P3H2: variants seen among roughly 807,000 people sequenced by gnomAD.
P3H2 encodes the protein leprecan-like 1.
P3H2 carries 80 observed loss-of-function variants against 87.0 expected under a neutral mutation model. The observed-to-expected ratio is 0.92, with a 90% confidence interval of 0.77 to 1.11. The LOEUF (loss-of-function observed/expected upper bound fraction) is 1.11. Among genes scored for constraint, P3H2 ranks in the 50% least tolerant of loss-of-function variants. P3H2 has a pLI of 0.00. For missense variants in P3H2, 1,001 were observed against 923.9 expected, an observed-to-expected ratio of 1.08 and a Z score of -1.08; for synonymous variants, 367 against 359.3, an observed-to-expected ratio of 1.02 and a Z score of -0.24.
At chr3:189,979,650 C>T (rs187502429) in intron 8 of P3H2, among the ~76,000 whole-genome samples, 2 of 152,086 alleles carry the variant, frequency 1.3e-5, no homozygotes, top group East Asian at 3.9e-4. Flanking sequence ...GGAATCATAT[C>T]CAGCACAACC....
chr3:190,035,754 G>A (rs993413981), intron 1 of P3H2, among the ~76,000 whole-genome samples: 1 of 152,132 alleles, frequency 6.6e-6, no homozygotes, highest in African/African-American at 2.4e-5. Flanking sequence ...AAAGGCAAAA[G>A]GCTAAATACC....
At chr3:190,110,243 T>C (rs1712019175) in intron 1 of P3H2, among the ~76,000 whole-genome samples, 1 of 151,708 alleles carries the variant, frequency 6.6e-6, no homozygotes, top group Non-Finnish European at 1.5e-5. Context: ...TATGGAGACA[T>C]TTTTTGTTAT....
chr3:190,018,149 C>T (rs562604660), intron 1 of P3H2, among the ~76,000 whole-genome samples: 1 of 152,150 alleles, frequency 6.6e-6, no homozygotes, highest in Non-Finnish European at 1.5e-5. Flanking sequence ...GCAAAGATTG[C>T]TTCTATTTTA....
At chr3:190,062,221 C>G (rs1577303356) in intron 1 of P3H2, among the ~76,000 whole-genome samples, 1 of 152,208 alleles carries the variant, frequency 6.6e-6, no homozygotes, top group Non-Finnish European at 1.5e-5. Flanking sequence ...TGCTCTCAAA[C>G]CCTTCCTTAT....
chr3:190,118,058 C>T (rs574329332), intron 1 of P3H2, among the ~76,000 whole-genome samples: 1 of 152,194 alleles, frequency 6.6e-6, no homozygotes, highest in East Asian at 1.9e-4. Flanking sequence ...GTGACTTGTT[C>T]CTGTAATCAA....
chr3:189,959,227 CT>C (rs754846945), intron 14 of P3H2, among the ~76,000 whole-genome samples: 57,122 of 147,822 alleles, frequency 0.39, 12,089 homozygotes, highest in African/African-American at 0.58. Context: ...ACACCTGTCT[CT>C]TCTTTTTTTT....
chr3:190,090,477 G>A (rs2108985327), intron 1 of P3H2, among the ~76,000 whole-genome samples: 1 of 152,332 alleles, frequency 6.6e-6, no homozygotes, highest in African/African-American at 2.4e-5. Context: ...GCTGAGGCGG[G>A]TGGATCACGA....
rs1712493835 is a variant in P3H2 at position 190,120,297 on chromosome 3, G to C, written c.435C>G (p.Phe145Leu). 6.2e-7 allele frequency: 1 copy of C among 1,609,938 alleles called. No individual in the cohort carries two copies. Among genetic ancestry groups the C allele is most frequent in the Non-Finnish European group, 8.5e-7 (1 of 1,179,060 alleles). Reference sequence around the variant, plus strand: ...GGTAGTTGTAGGGCACTCTGCGCTGGAAGTCGCTGCGCACATCCTCGCTGA... The same window carrying C: ...GGTAGTTGTAGGGCACTCTGCGCTGCAAGTCGCTGCGCACATCCTCGCTGA... Reference protein sequence around the residue: ...HRVSEDVRSDFQRRVPYNYLQ... With the variant: ...HRVSEDVRSDLQRRVPYNYLQ... The change falls in exon 1 of 15, where the codon TTC becomes TTG. Residue 145 changes from phenylalanine (F) to leucine (L), a missense_variant. Coordinates refer to ENST00000319332, the MANE Select transcript of P3H2 (RefSeq NM_018192.4).
chr3:190,009,279 T>A (rs964174480), intron 1 of P3H2, among the ~76,000 whole-genome samples: 5 of 152,218 alleles, frequency 3.3e-5, no homozygotes, highest in African/African-American at 1.2e-4. Context: ...ATGAAACTTG[T>A]AAAGCAACTG....
intron 1 of P3H2, among the ~76,000 whole-genome samples, chr3:190,035,925 G>C (rs1725404610): frequency 6.6e-6 from 1 of 152,150 alleles, no homozygotes; most frequent in Non-Finnish European, 1.5e-5. Context: ...GTTATCAATT[G>C]TTAAGTTACT....
chr3:190,086,611 TGGTTA>T (rs1389879918), intron 1 of P3H2, among the ~76,000 whole-genome samples: 1 of 152,222 alleles, frequency 6.6e-6, no homozygotes, highest in Non-Finnish European at 1.5e-5. Flanking sequence ...ATTTCACAAA[TGGTTA>T]GGACTAGGGA....
intron 1 of P3H2, among the ~76,000 whole-genome samples, chr3:190,047,037 A>G (rs1396536713): frequency 4.1e-5 from 2 of 49,136 alleles, no homozygotes; most frequent in African/African-American, 2.3e-4. Context: ...AATAGCAAAC[A>G]AAACAAAACA....
chr3:190,013,750 G>C (rs144516008), intron 1 of P3H2, among the ~76,000 whole-genome samples: 261 of 152,280 alleles, frequency 1.7e-3, no homozygotes, highest in African/African-American at 6.2e-3. Context: ...GGTCCAGAGA[G>C]TAAGTGGAAT....
At chr3:190,090,499 C>T (rs1412696013) in intron 1 of P3H2, among the ~76,000 whole-genome samples, 4 of 152,002 alleles carry the variant, frequency 2.6e-5, no homozygotes, top group African/African-American at 7.3e-5. Context: ...GTCAGGAGAT[C>T]GAGATCATCC....
At chr3:190,118,497 G>C (rs1271070537) in intron 1 of P3H2, among the ~76,000 whole-genome samples, 1 of 151,698 alleles carries the variant, frequency 6.6e-6, no homozygotes, top group Non-Finnish European at 1.5e-5. Context: ...AAATCACTTA[G>C]AAGAAATTAG....
At chr3:190,093,977 T>G (rs1007913687) in intron 1 of P3H2, among the ~76,000 whole-genome samples, 5 of 149,968 alleles carry the variant, frequency 3.3e-5, no homozygotes, top group African/African-American at 1.3e-4. Flanking sequence ...TCAACTTGGC[T>G]CCCAAGAATA....
At chr3:190,074,329 A>G (rs1726799229) in intron 1 of P3H2, among the ~76,000 whole-genome samples, 1 of 151,928 alleles carries the variant, frequency 6.6e-6, no homozygotes, top group Non-Finnish European at 1.5e-5. Flanking sequence ...GGCCAACATG[A>G]CGAAACCTGG....
chr3:190,088,975 G>A (rs1727317677), intron 1 of P3H2, among the ~76,000 whole-genome samples: 1 of 152,066 alleles, frequency 6.6e-6, no homozygotes, highest in South Asian at 2.1e-4. Flanking sequence ...AAAACCAGAG[G>A]GAACAAGAAA....
intron 1 of P3H2, among the ~76,000 whole-genome samples, chr3:190,017,776 T>A (rs935572641): frequency 6.6e-6 from 1 of 152,194 alleles, no homozygotes; most frequent in African/African-American, 2.4e-5. Flanking sequence ...TCCTGAAAGG[T>A]TTTTCTCTTT....
Sources: gnomAD v4.1 joint callset for allele counts (sites outside exome capture counted in the v4.1 genomes callset) on GRCh38, gnomAD v4.1.1 for gene constraint, MANE v1.5 for transcripts, NCBI Gene and HGNC (gene_info 2026-07-23, HGNC 2026-07-21) for gene names.